IMMP2L: variants seen among roughly 807,000 people sequenced by gnomAD.
IMMP2L encodes the protein inner mitochondrial membrane peptidase subunit 2.
In IMMP2L, 18 loss-of-function variants were observed where a neutral mutation model predicts 19.3. The ratio of observed to expected loss-of-function variants is 0.93; its 90% CI spans 0.64 to 1.38. IMMP2L has a LOEUF of 1.38. Among genes scored for constraint, IMMP2L ranks in the 40% most tolerant of loss-of-function variants. The pLI is 0.00. For synonymous variants in IMMP2L, 76 were observed against 73.0 expected (o/e 1.04, Z -0.21); for missense variants, 233 against 218.2 (o/e 1.07, Z -0.43).
intron 5 of IMMP2L, among the ~76,000 whole-genome samples, chr7:110,750,916 T>A (rs1446110910): frequency 6.6e-6 from 1 of 152,058 alleles, no homozygotes; most frequent in Non-Finnish European, 1.5e-5. Context: ...AAATCCATGA[T>A]GAACAAAATA....
At chr7:111,242,703 A>G (rs932247092) in intron 3 of IMMP2L, among the ~76,000 whole-genome samples, 2 of 151,926 alleles carry the variant, frequency 1.3e-5, no homozygotes, top group Non-Finnish European at 2.9e-5. Context: ...TCAGATGACC[A>G]CTCTAAATAC....
At chr7:110,963,386 G>T in intron 4 of IMMP2L, 114 bp downstream of exon 4, 1 of 681,720 alleles carries the variant, frequency 1.5e-6, no homozygotes, top group Non-Finnish European at 2.5e-6. Context: ...AGCTCATTTG[G>T]AATGTCTCCA....
At chr7:110,765,299 G>A (rs1272469435) in intron 5 of IMMP2L, among the ~76,000 whole-genome samples, 1 of 152,002 alleles carries the variant, frequency 6.6e-6, no homozygotes, top group African/African-American at 2.4e-5. Context: ...CATTATCATA[G>A]GAAATTAAAT....
At chr7:111,535,234 A>G (rs1847775547) in intron 1 of IMMP2L, among the ~76,000 whole-genome samples, 1 of 152,076 alleles carries the variant, frequency 6.6e-6, no homozygotes, top group African/African-American at 2.4e-5. Context: ...TACTATTCTG[A>G]GTAAAATGCA....
intron 3 of IMMP2L, among the ~76,000 whole-genome samples, chr7:111,001,772 G>A (rs1336963106): frequency 1.3e-5 from 2 of 152,098 alleles, no homozygotes; most frequent in African/African-American, 2.4e-5. Flanking sequence ...AATTTGTAAT[G>A]AGCTGGGACT....
intron 3 of IMMP2L, among the ~76,000 whole-genome samples, chr7:111,119,255 A>AAT (rs1192927906): frequency 6.6e-6 from 1 of 152,198 alleles, no homozygotes; most frequent in Non-Finnish European, 1.5e-5. Flanking sequence ...CTGGACATAC[A>AAT]GGGGCAATAG....
chr7:111,310,941 G>C (rs945062909), intron 3 of IMMP2L, among the ~76,000 whole-genome samples: 1 of 152,088 alleles, frequency 6.6e-6, no homozygotes, highest in East Asian at 1.9e-4. Flanking sequence ...TCTCCTTTGC[G>C]CAAGGCAAGT....
intron 3 of IMMP2L, among the ~76,000 whole-genome samples, chr7:111,179,350 C>T (rs2129610685): frequency 6.6e-6 from 1 of 152,186 alleles, no homozygotes; most frequent in East Asian, 1.9e-4. Flanking sequence ...AATTCATAAA[C>T]TTTCTTAAAA....
At chr7:111,145,342 A>G (rs1014856084) in intron 3 of IMMP2L, among the ~76,000 whole-genome samples, 10 of 152,198 alleles carry the variant, frequency 6.6e-5, no homozygotes, top group Middle Eastern at 3.4e-3. Context: ...TTGTCACTGT[A>G]TAGGCTGTTG....
chr7:111,273,466 C>T (rs1283473686), intron 3 of IMMP2L, among the ~76,000 whole-genome samples: 2 of 151,994 alleles, frequency 1.3e-5, no homozygotes, highest in Non-Finnish European at 2.9e-5. Flanking sequence ...GAAAACTAGA[C>T]ATCATACATA....
At chr7:111,401,530 C>A (rs1443037301) in intron 3 of IMMP2L, among the ~76,000 whole-genome samples, 1 of 152,116 alleles carries the variant, frequency 6.6e-6, no homozygotes, top group African/African-American at 2.4e-5. Flanking sequence ...CAATGTACTT[C>A]TTTGAATAAG....
chr7:110,848,133 C>T (rs1202435422), intron 5 of IMMP2L, among the ~76,000 whole-genome samples: 1 of 152,068 alleles, frequency 6.6e-6, no homozygotes, highest in African/African-American at 2.4e-5. Flanking sequence ...AAGCCACAGA[C>T]TGTGAGAAAG....
intron 5 of IMMP2L, among the ~76,000 whole-genome samples, chr7:110,792,186 C>T (rs1422611164): frequency 6.6e-6 from 1 of 151,642 alleles, no homozygotes; most frequent in Non-Finnish European, 1.5e-5. Flanking sequence ...CGTGCACCCT[C>T]TACCCTTAGC....
intron 1 of IMMP2L, among the ~76,000 whole-genome samples, chr7:111,528,076 A>G (rs1480600270): frequency 5.3e-5 from 8 of 152,206 alleles, no homozygotes; most frequent in African/African-American, 1.9e-4. Flanking sequence ...ATACATGAAG[A>G]AATGAACACA....
chr7:110,841,878 G>A (rs1329274542), intron 5 of IMMP2L, among the ~76,000 whole-genome samples: 1 of 152,076 alleles, frequency 6.6e-6, no homozygotes, highest in Non-Finnish European at 1.5e-5. Context: ...AATGGCATGA[G>A]TTTCAAAATA....
intron 2 of IMMP2L, among the ~76,000 whole-genome samples, chr7:111,503,047 A>G (rs200110520): frequency 2.0e-5 from 3 of 152,122 alleles, no homozygotes; most frequent in South Asian, 4.2e-4. Context: ...TTTTTTGAAA[A>G]GATCAACAAA....
intron 5 of IMMP2L, among the ~76,000 whole-genome samples, chr7:110,743,049 G>A (rs888251862): frequency 1.3e-5 from 2 of 151,972 alleles, no homozygotes; most frequent in African/African-American, 4.8e-5. Context: ...AAATTTCCTA[G>A]CACAAATACA....
At chr7:111,239,125 C>T (rs900491283) in intron 3 of IMMP2L, among the ~76,000 whole-genome samples, 17 of 151,836 alleles carry the variant, frequency 1.1e-4, no homozygotes, top group Non-Finnish European at 2.9e-5. Context: ...TAAATCTGAA[C>T]TAATTCCAGG....
chr7:111,445,384 T>C (rs1414688268), intron 3 of IMMP2L, among the ~76,000 whole-genome samples: 1 of 151,620 alleles, frequency 6.6e-6, no homozygotes, highest in Non-Finnish European at 1.5e-5. Context: ...CCCCCTTTCC[T>C]AGAAGAATGA....
Sources: allele counts gnomAD v4.1 joint callset (sites outside exome capture counted in the v4.1 genomes callset), GRCh38; gene constraint gnomAD v4.1.1; transcripts MANE v1.5; gene names NCBI Gene and HGNC (gene_info 2026-07-23, HGNC 2026-07-21).